The following TMEFF2 variants were observed in gnomAD, a reference collection of about 807,000 sequenced individuals.
The protein encoded by TMEFF2 is tomoregulin-2.
TMEFF2 carries 28 observed loss-of-function variants against 53.8 expected under a neutral mutation model. The observed-to-expected ratio is 0.52, with a 90% CI of 0.39 to 0.71. The LOEUF is 0.71. Among genes scored for constraint, TMEFF2 ranks in the 30% least tolerant of loss-of-function variants. The pLI is 0.00. For synonymous variants in TMEFF2, 162 were observed against 166.3 expected (o/e 0.97, Z 0.20); for missense variants, 353 against 455.2 (o/e 0.78, Z 2.04).
intron 5 of TMEFF2, chr2:192,029,270 A>G (rs1687056178): frequency 6.6e-6 from 1 of 151,966 alleles, no homozygotes; most frequent in South Asian, 2.1e-4. Context: ...TTGCAAGTGG[A>G]TCTTCCCCCT....
chr2:192,166,652 C>G (rs1690776038), intron 4 of TMEFF2, among the ~76,000 whole-genome samples: 1 of 152,064 alleles, frequency 6.6e-6, no homozygotes, highest in African/African-American at 2.4e-5. Context: ...AATACTAGAC[C>G]ATTCCTCAGG....
chr2:192,180,063 C>T (rs1169976105), intron 3 of TMEFF2, among the ~76,000 whole-genome samples: 2 of 151,546 alleles, frequency 1.3e-5, no homozygotes, highest in Non-Finnish European at 3.0e-5. Context: ...ATTAAATAGT[C>T]TAATGCGTGT....
chr2:192,120,182 C>G (rs1453693966), intron 4 of TMEFF2, among the ~76,000 whole-genome samples: 2 of 152,106 alleles, frequency 1.3e-5, no homozygotes, highest in Admixed American at 6.6e-5. Flanking sequence ...ACAGTAGGAG[C>G]TATTAGGCTG....
intron 8 of TMEFF2, among the ~76,000 whole-genome samples, chr2:191,955,167 GAGAGAGGGA>G (rs1559058801): frequency 9.5e-4 from 43 of 45,084 alleles, no homozygotes; most frequent in East Asian, 7.7e-3. Context: ...AAGAGTGGGA[GAGAGAGGGA>G]GAGAGAGAGA....
intron 5 of TMEFF2, among the ~76,000 whole-genome samples, chr2:192,012,014 G>C (rs1686639452): frequency 6.6e-6 from 1 of 152,058 alleles, no homozygotes; most frequent in South Asian, 2.1e-4. Context: ...AGCCTCTCGA[G>C]TAGCTGGGAC....
intron 4 of TMEFF2, among the ~76,000 whole-genome samples, chr2:192,114,179 C>T (rs1280717787): frequency 6.7e-6 from 1 of 148,168 alleles, no homozygotes; most frequent in African/African-American, 2.5e-5. Flanking sequence ...ATAAAATAAA[C>T]AACTCAGATT....
intron 7 of TMEFF2, among the ~76,000 whole-genome samples, chr2:191,984,838 A>G (rs1460886675): frequency 6.6e-6 from 1 of 152,122 alleles, no homozygotes; most frequent in Non-Finnish European, 1.5e-5. Flanking sequence ...TGGGGAACAG[A>G]ACTACGTGGA....
intron 4 of TMEFF2, among the ~76,000 whole-genome samples, chr2:192,101,224 C>A (rs1353520620): frequency 6.6e-6 from 1 of 152,108 alleles, no homozygotes; most frequent in African/African-American, 2.4e-5. Flanking sequence ...TGATGGGCAG[C>A]TTTCACTGCA....
chr2:191,982,504 C>CAAAAAAAA (rs10678696), intron 7 of TMEFF2, among the ~76,000 whole-genome samples: 1 of 138,664 alleles, frequency 7.2e-6, no homozygotes, highest in Non-Finnish European at 1.5e-5. Flanking sequence ...TGAAAACAGG[C>CAAAAAAAA]AAAAAAAAAA....
rs189806012 is a variant in TMEFF2 at position 192,162,445 on chromosome 2, A to G, written c.439+17223T>C. ...ACCAAAAGCCACTTAAACTCGTACC[A>G]TAGTGAAGATTTACAACTTTAGCAA... On this transcript the variant is annotated intron_variant, in intron 4 of 9. Coordinates refer to ENST00000272771, the MANE Select transcript of TMEFF2 (RefSeq NM_016192.4). Among the ~76,000 whole-genome samples, 191 of 152,332 alleles carry G rather than the reference A, an allele frequency of 1.3e-3. 3 individuals are homozygous for G. The highest frequency in any genetic ancestry group is 8.2e-3 in the Admixed American group (125 of 15,292).
chr2:192,124,464 A>G (rs1689630229), intron 4 of TMEFF2, among the ~76,000 whole-genome samples: 1 of 152,316 alleles, frequency 6.6e-6, no homozygotes, highest in South Asian at 2.1e-4. Context: ...AAGGCCTGGC[A>G]GAAGTGATGG....
intron 2 of TMEFF2, among the ~76,000 whole-genome samples, chr2:192,186,360 A>G (rs1208502546): frequency 6.6e-6 from 1 of 152,184 alleles, no homozygotes; most frequent in Admixed American, 6.5e-5. Flanking sequence ...GAATTTTCCA[A>G]TGAGTAGTAC....
intron 4 of TMEFF2, among the ~76,000 whole-genome samples, chr2:192,174,976 A>G (rs1261510528): frequency 6.6e-6 from 1 of 151,766 alleles, no homozygotes. Flanking sequence ...TAAATATTCA[A>G]TTCCTTGTTA....
chr2:192,009,441 T>C (rs1351024995), intron 5 of TMEFF2, among the ~76,000 whole-genome samples: 5 of 152,128 alleles, frequency 3.3e-5, no homozygotes, highest in African/African-American at 1.2e-4. Flanking sequence ...TATTTCCCAA[T>C]TGATGTTTGC....
intron 4 of TMEFF2, among the ~76,000 whole-genome samples, chr2:192,147,272 C>G (rs1690274629): frequency 6.6e-6 from 1 of 151,992 alleles, no homozygotes; most frequent in Non-Finnish European, 1.5e-5. Context: ...AAGTAGCAGA[C>G]AGTAGTCCAC....
At chr2:192,132,211 G>T (rs35632819) in intron 4 of TMEFF2, among the ~76,000 whole-genome samples, 24 of 151,850 alleles carry the variant, frequency 1.6e-4, no homozygotes, top group East Asian at 3.9e-4. Context: ...TTACAGTTTC[G>T]TTCTGTGACT....
chr2:192,013,257 C>T (rs1686672307), intron 5 of TMEFF2, among the ~76,000 whole-genome samples: 1 of 152,144 alleles, frequency 6.6e-6, no homozygotes, highest in Non-Finnish European at 1.5e-5. Context: ...CGTGCTCCAA[C>T]CACACTAGAC....
At chr2:192,031,078 C>T (rs1687122029) in intron 5 of TMEFF2, among the ~76,000 whole-genome samples, 1 of 152,174 alleles carries the variant, frequency 6.6e-6, no homozygotes, top group Admixed American at 6.5e-5. Context: ...ATCTCCTTCA[C>T]ATTTTTACTA....
chr2:191,954,537 A>G (rs1251557353), intron 8 of TMEFF2, among the ~76,000 whole-genome samples: 1 of 152,178 alleles, frequency 6.6e-6, no homozygotes, highest in Admixed American at 6.5e-5. Context: ...TTGAAAAAAT[A>G]TGTGTTTCTG....
Sources: gnomAD v4.1 joint callset for allele counts (sites outside exome capture counted in the v4.1 genomes callset) on GRCh38, gnomAD v4.1.1 for gene constraint, MANE v1.5 for transcripts, NCBI Gene and HGNC (gene_info 2026-07-23, HGNC 2026-07-21) for gene names.